Variants in FBXW11 observed in about 807,000 individuals in gnomAD.
The protein encoded by FBXW11 is F-box/WD repeat-containing protein 11.
A neutral mutation model predicts 77.6 loss-of-function variants in FBXW11; 19 were observed. That is an observed-to-expected ratio of 0.24 (90% CI 0.17 to 0.36). FBXW11 has a LOEUF of 0.36. Ranked by LOEUF, FBXW11 falls within the 10% of genes least tolerant of loss-of-function variation. The pLI is 1.00. For missense variants in FBXW11, 334 were observed against 704.2 expected, an observed-to-expected ratio of 0.47 and a Z score of 5.95; for synonymous variants, 235 against 249.4, an observed-to-expected ratio of 0.94 and a Z score of 0.54.
intron 2 of FBXW11, among the ~76,000 whole-genome samples, chr5:171,937,236 T>A (rs922870130): frequency 6.6e-6 from 1 of 152,154 alleles, no homozygotes; most frequent in African/African-American, 2.4e-5. Context: ...CAAACTTACA[T>A]GAGTATTCAG....
intron 2 of FBXW11, among the ~76,000 whole-genome samples, chr5:171,916,103 G>A (rs1028818845): frequency 6.6e-6 from 1 of 151,188 alleles, no homozygotes; most frequent in Admixed American, 6.6e-5. Flanking sequence ...GGTGGGGGGA[G>A]GTGGGGGGAT....
In FBXW11 at chr5:171,920,860, A is replaced by T. The variant is rs191714237; in HGVS notation, c.148-6455T>A. The stretch of plus-strand genomic sequence containing the variant: ...CAATGCAAAAAGTCTTCGCCCTGGG[A>T]AACGAATGCATTCTAGGTAGCCGAG... On this transcript the variant is annotated intron_variant, in intron 2 of 13. Coordinates refer to ENST00000517395, the MANE Select transcript of FBXW11 (RefSeq NM_001378974.1). Among the ~76,000 whole-genome samples the T allele has an allele frequency of 8.5e-5, 13 of 152,318 alleles. No individual in the cohort carries two copies. In the East Asian group the frequency reaches 2.5e-3, roughly 29 times the overall value.
intron 10 of FBXW11, 47 bp downstream of exon 10, chr5:171,872,825 T>G: frequency 7.2e-7 from 1 of 1,387,830 alleles, no homozygotes; most frequent in Non-Finnish European, 1.0e-6. Flanking sequence ...GAGTCAACAA[T>G]GTGGCAAAAA....
chr5:171,868,907 A>C (rs1403483839), intron 12 of FBXW11, 111 bp from the exon 13 acceptor site: 1,257 of 823,326 alleles, frequency 1.5e-3, no homozygotes, highest in East Asian at 1.4e-3. Context: ...AGACTTCCTA[A>C]ACGACTGTAC....
At chr5:171,951,271 A>G (rs1343926057) in intron 2 of FBXW11, among the ~76,000 whole-genome samples, 1 of 152,104 alleles carries the variant, frequency 6.6e-6, no homozygotes, top group Non-Finnish European at 1.5e-5. Flanking sequence ...TCAGTGGCTC[A>G]CACCTGTAAT....
chr5:171,955,579 C>A (rs921918653), intron 2 of FBXW11, among the ~76,000 whole-genome samples: 1 of 152,076 alleles, frequency 6.6e-6, no homozygotes, highest in Non-Finnish European at 1.5e-5. Flanking sequence ...TAAATGAGTA[C>A]AGAGGAAGGA....
intron 2 of FBXW11, among the ~76,000 whole-genome samples, chr5:171,942,699 G>C (rs1762811732): frequency 6.6e-6 from 1 of 152,136 alleles, no homozygotes; most frequent in Non-Finnish European, 1.5e-5. Context: ...TTGCTCAGAA[G>C]GCTGAGGTAG....
chr5:171,874,653 G>T (rs1238801932), intron 9 of FBXW11, among the ~76,000 whole-genome samples: 2 of 150,980 alleles, frequency 1.3e-5, no homozygotes, highest in Non-Finnish European at 2.9e-5. Context: ...TATACCACTG[G>T]CAGGATTGTA....
At chr5:171,997,515 G>A (rs574499761) in intron 1 of FBXW11, among the ~76,000 whole-genome samples, 194 of 152,172 alleles carry the variant, frequency 1.3e-3, no homozygotes, top group Middle Eastern at 6.8e-3. Context: ...AAAATGTTTT[G>A]GTTTGCTACA....
intron 2 of FBXW11, among the ~76,000 whole-genome samples, chr5:171,921,852 C>T (rs530667725): frequency 6.6e-6 from 1 of 152,266 alleles, no homozygotes. Flanking sequence ...AATCTTCCCA[C>T]CTTAGCCTCC....
intron 13 of FBXW11, among the ~76,000 whole-genome samples, chr5:171,865,099 C>T (rs1351852479): frequency 6.6e-6 from 1 of 151,908 alleles, no homozygotes; most frequent in African/African-American, 2.4e-5. Context: ...GATTCAATTT[C>T]ATTTGCTACT....
intron 2 of FBXW11, among the ~76,000 whole-genome samples, chr5:171,945,780 T>C (rs968689272): frequency 6.6e-6 from 1 of 152,248 alleles, no homozygotes; most frequent in African/African-American, 2.4e-5. Context: ...ATGCTATAAA[T>C]GATACTGGCT....
intron 3 of FBXW11, among the ~76,000 whole-genome samples, chr5:171,913,808 C>CACAAACACAT (rs1761038902): frequency 7.5e-6 from 1 of 134,118 alleles, no homozygotes; most frequent in Admixed American, 7.7e-5. Flanking sequence ...AACCCCCAAC[C>CACAAACACAT]ACACACACAT....
chr5:171,998,593 G>A (rs190846051), intron 1 of FBXW11, among the ~76,000 whole-genome samples: 2,134 of 151,390 alleles, frequency 0.014, 19 homozygotes, highest in South Asian at 0.033. Flanking sequence ...GGTCAGGAGT[G>A]TGAGGCCAGC....
intron 2 of FBXW11, among the ~76,000 whole-genome samples, chr5:171,924,765 AC>A (rs1425916355): frequency 2.6e-5 from 1 of 37,922 alleles, no homozygotes; most frequent in East Asian, 1.2e-3. Context: ...AACACGTCCC[AC>A]CCCCCCACCC....
intron 2 of FBXW11, among the ~76,000 whole-genome samples, chr5:171,930,746 AT>A (rs1219346762): frequency 0.028 from 2,857 of 103,362 alleles, 49 homozygotes; most frequent in African/African-American, 0.065. Flanking sequence ...AAAATAAAAA[AT>A]AAAAAATAAA....
chr5:171,874,752 CAAA>C (rs34775989), intron 9 of FBXW11, among the ~76,000 whole-genome samples: 4 of 38,128 alleles, frequency 1.0e-4, no homozygotes, highest in African/African-American at 3.1e-4. Flanking sequence ...CTGGTCTCTA[CAAA>C]AAAAAAAAAA....
intron 6 of FBXW11, among the ~76,000 whole-genome samples, chr5:171,891,909 A>T (rs751365073): frequency 2.7e-4 from 41 of 152,234 alleles, no homozygotes; most frequent in Non-Finnish European, 5.0e-4. Flanking sequence ...CACCCAAAAC[A>T]TGCAAATAAA....
intron 1 of FBXW11, among the ~76,000 whole-genome samples, chr5:171,959,391 T>C (rs2113333885): frequency 6.6e-6 from 1 of 152,260 alleles, no homozygotes. Flanking sequence ...ACAGCTGAAA[T>C]AGTAAACTCT....
Sources: gnomAD v4.1 joint callset for allele counts (sites outside exome capture counted in the v4.1 genomes callset) on GRCh38, gnomAD v4.1.1 for gene constraint, MANE v1.5 for transcripts, NCBI Gene and HGNC (gene_info 2026-07-23, HGNC 2026-07-21) for gene names.